Variants in OSBPL1A observed in about 807,000 individuals in gnomAD.
OSBPL1A encodes the protein oxysterol binding protein like 1A, also known as oxysterol-binding protein-related protein 1.
In OSBPL1A, 80 loss-of-function variants were observed where a neutral mutation model predicts 137.1. The ratio of observed to expected loss-of-function variants is 0.58; its 90% CI spans 0.49 to 0.70. The LOEUF (loss-of-function observed/expected upper bound fraction) is 0.70. OSBPL1A is among the 30% of genes least tolerant of loss of function. The pLI is 0.00. For synonymous variants in OSBPL1A, 365 were observed against 389.7 expected, an observed-to-expected ratio of 0.94 and a Z score of 0.75; for missense variants, 970 against 1,129.4, an observed-to-expected ratio of 0.86 and a Z score of 2.02.
At chr18:24,236,768 G>T (rs1786125) in intron 16 of OSBPL1A, among the ~76,000 whole-genome samples, 142,925 of 152,256 alleles carry the variant, frequency 0.94, 67,107 homozygotes, top group East Asian at 1. Context: ...CAGCAGATAC[G>T]GCAAAACAAT....
intron 13 of OSBPL1A, among the ~76,000 whole-genome samples, chr18:24,309,474 C>T (rs1194564368): frequency 2.0e-5 from 3 of 152,098 alleles, no homozygotes; most frequent in East Asian, 1.9e-4. Flanking sequence ...TGTACTAATC[C>T]AAAAGCATGT....
At chr18:24,173,478 T>C (rs2145913184) in intron 21 of OSBPL1A, among the ~76,000 whole-genome samples, 1 of 152,352 alleles carries the variant, frequency 6.6e-6, no homozygotes, top group African/African-American at 2.4e-5. Context: ...AGTGGCGTGA[T>C]CTCGGCTCAT....
chr18:24,303,180 T>C (rs1443002257), intron 14 of OSBPL1A, among the ~76,000 whole-genome samples: 1 of 152,170 alleles, frequency 6.6e-6, no homozygotes. Flanking sequence ...TTTGTACTTT[T>C]AGTAGAGACA....
At chr18:24,237,517 C>A (rs1190787076) in intron 16 of OSBPL1A, among the ~76,000 whole-genome samples, 2 of 152,164 alleles carry the variant, frequency 1.3e-5, no homozygotes, top group African/African-American at 4.8e-5. Flanking sequence ...GTTGCCCAGG[C>A]TGGTCTCGAA....
intron 11 of OSBPL1A, among the ~76,000 whole-genome samples, chr18:24,315,989 G>A (rs751748734): frequency 4.1e-5 from 6 of 147,500 alleles, no homozygotes; most frequent in East Asian, 2.0e-4. Context: ...GGCTGGGTGC[G>A]GTGTCTCATG....
chr18:24,377,975 G>C, intron 1 of OSBPL1A, among the ~76,000 whole-genome samples: 1 of 152,246 alleles, frequency 6.6e-6, no homozygotes, highest in Non-Finnish European at 1.5e-5. Flanking sequence ...AATAGTGTAA[G>C]ACTAACATGT....
At chr18:24,306,885 G>A (rs1200382476) in intron 13 of OSBPL1A, among the ~76,000 whole-genome samples, 1 of 151,868 alleles carries the variant, frequency 6.6e-6, no homozygotes, top group Admixed American at 6.6e-5. Flanking sequence ...TGCAGAAAAT[G>A]GCCGCTATTA....
At chr18:24,390,338 C>T (rs1183676397) in intron 1 of OSBPL1A, among the ~76,000 whole-genome samples, 4 of 152,182 alleles carry the variant, frequency 2.6e-5, no homozygotes, top group Admixed American at 6.5e-5. Context: ...GTAACCTAAA[C>T]GTCCATTGAC....
chr18:24,194,113 G>T (rs1210227385), intron 18 of OSBPL1A, among the ~76,000 whole-genome samples: 1 of 152,192 alleles, frequency 6.6e-6, no homozygotes, highest in East Asian at 1.9e-4. Context: ...GAGAGCAGGA[G>T]AAAGGAATCA....
Position 24,165,175 on chromosome 18 carries a change from A to G in OSBPL1A, c.2660-20T>C, listed in dbSNP as rs1338913718. 6.2e-7 allele frequency: 1 copy of G among 1,606,834 alleles called. No homozygotes were observed. Among genetic ancestry groups the G allele is most frequent in the South Asian group, 1.1e-5 (1 of 90,926 alleles). ...CTTGATCTAAAATAAGAACATCAACACAAACCATTAACACTCTACACAGAG... is the reference window on the plus strand; with the variant it reads ...CTTGATCTAAAATAAGAACATCAACGCAAACCATTAACACTCTACACAGAG... On this transcript the variant is annotated intron_variant, in intron 26 of 27. Coordinates refer to ENST00000319481, the MANE Select transcript of OSBPL1A (RefSeq NM_080597.4).
At chr18:24,185,015 T>C (rs547812572) in intron 18 of OSBPL1A, among the ~76,000 whole-genome samples, 7 of 152,266 alleles carry the variant, frequency 4.6e-5, no homozygotes, top group South Asian at 4.1e-4. Flanking sequence ...AAATGAGCTA[T>C]CAAGTCATGG....
intron 1 of OSBPL1A, among the ~76,000 whole-genome samples, chr18:24,386,167 A>C (rs1906952096): frequency 6.6e-6 from 1 of 152,192 alleles, no homozygotes; most frequent in African/African-American, 2.4e-5. Flanking sequence ...GAGAGAAAAA[A>C]AATGGGTCAC....
intron 16 of OSBPL1A, among the ~76,000 whole-genome samples, chr18:24,225,431 T>C (rs535810068): frequency 4.9e-4 from 74 of 152,290 alleles, no homozygotes; most frequent in African/African-American, 1.8e-3. Flanking sequence ...AGTAAACAGA[T>C]CTCACATAGT....
chr18:24,361,280 G>A lies in OSBPL1A; in HGVS notation c.282+5612C>T, dbSNP rs535298119. On this transcript the variant is annotated intron_variant, in intron 4 of 27. Transcript: ENST00000319481. Reference sequence around the variant, plus strand: ...GGGCTCAAGCAGTCCACCTGCCTCAGCGCCCCAAAGTGCTGGCATTACAGA... The same window carrying A: ...GGGCTCAAGCAGTCCACCTGCCTCAACGCCCCAAAGTGCTGGCATTACAGA... 5.0e-4 allele frequency among the ~76,000 whole-genome samples: 76 copies of A among 152,290 alleles called. 1 individual carries two copies. Among genetic ancestry groups the A allele is most frequent in the Middle Eastern group, 6.8e-3 (2 of 294 alleles).
At chr18:24,209,889 C>A (rs572559282) in intron 17 of OSBPL1A, among the ~76,000 whole-genome samples, 1 of 152,094 alleles carries the variant, frequency 6.6e-6, no homozygotes, top group African/African-American at 2.4e-5. Flanking sequence ...TGAAAGGAGT[C>A]AGGGAGAACA....
At chr18:24,322,103 TGA>T (rs963671180) in intron 7 of OSBPL1A, among the ~76,000 whole-genome samples, 2 of 134,982 alleles carry the variant, frequency 1.5e-5, no homozygotes, top group Admixed American at 1.5e-4. Context: ...GAGAAATATG[TGA>T]CTTTTTTTTT....
chr18:24,325,158 AAAAGG>A (rs1183493147), intron 7 of OSBPL1A, among the ~76,000 whole-genome samples: 16 of 152,286 alleles, frequency 1.1e-4, no homozygotes, highest in African/African-American at 3.9e-4. Context: ...AAAATAATGG[AAAAGG>A]AAAGATTACT....
intron 15 of OSBPL1A, among the ~76,000 whole-genome samples, chr18:24,245,097 A>AT (rs879776193): frequency 3.0e-3 from 448 of 147,798 alleles, no homozygotes; most frequent in African/African-American, 8.8e-3. Flanking sequence ...AAATATTAGA[A>AT]TTTTTTTTTT....
intron 8 of OSBPL1A, 45 bp downstream of exon 8, chr18:24,318,703 T>C (rs1246189781): frequency 6.3e-7 from 1 of 1,592,998 alleles, no homozygotes; most frequent in East Asian, 2.3e-5. Context: ...ATTCAAAAAT[T>C]TTTTTCTAAA....
Sources: allele counts gnomAD v4.1 joint callset (sites outside exome capture counted in the v4.1 genomes callset), GRCh38; gene constraint gnomAD v4.1.1; transcripts MANE v1.5; gene names NCBI Gene and HGNC (gene_info 2026-07-23, HGNC 2026-07-21).